The following CECR2 variants were observed in gnomAD, a reference collection of about 807,000 sequenced individuals.
CECR2 encodes the protein chromatin remodeling regulator CECR2.
A neutral mutation model predicts 154.5 loss-of-function variants in CECR2; 30 were observed. That is an observed-to-expected ratio of 0.19 (90% CI 0.15 to 0.26). The LOEUF (loss-of-function observed/expected upper bound fraction) is 0.26. Ranked by LOEUF, CECR2 falls within the 10% of genes least tolerant of loss-of-function variation. The probability of loss-of-function intolerance (pLI) is 1.00; values close to 1 mark genes in which losing one functional copy is unlikely to be tolerated. For synonymous variants in CECR2, 725 were observed against 683.7 expected (o/e 1.06, Z -0.94); for missense variants, 1,743 against 1,829.3 (o/e 0.95, Z 0.86).
Position 17,409,486 on chromosome 22 carries a change from C to T in CECR2, c.126+39577C>T, listed in dbSNP as rs1326599979. On this transcript the variant is annotated intron_variant, in intron 1 of 18. Coordinates refer to ENST00000262608, the MANE Select transcript of CECR2 (RefSeq NM_001290047.2). ...GACCTCGTGATCCGCCTGCCTCGGC[C>T]TCCCAAAGTGCTGGGATTACAGGCA... 2.7e-5 allele frequency among the ~76,000 whole-genome samples: 3 copies of T among 112,348 alleles called. 1 individual carries two copies. The South Asian group carries it at 7.9e-4, about 30-fold the overall frequency. The allele number at this position is 112,348 out of a possible 152,430, so 73.7% of individuals were successfully genotyped here.
At chr22:17,507,127 G>T (rs1288026029) in intron 7 of CECR2, among the ~76,000 whole-genome samples, 3 of 152,118 alleles carry the variant, frequency 2.0e-5, no homozygotes, top group Non-Finnish European at 4.4e-5. Context: ...GTACCTACAG[G>T]GAGGCAAACA....
chr22:17,428,826 G>GTGTGTA (rs369291932), intron 1 of CECR2, among the ~76,000 whole-genome samples: 14 of 150,592 alleles, frequency 9.3e-5, no homozygotes, highest in Non-Finnish European at 1.8e-4. Flanking sequence ...GTGTGTGTGT[G>GTGTGTA]TATATAAAGG....
chr22:17,474,997 C>T (rs935258254), intron 1 of CECR2, among the ~76,000 whole-genome samples: 20 of 152,104 alleles, frequency 1.3e-4, no homozygotes, highest in Admixed American at 5.2e-4. Flanking sequence ...TTAGTACAGA[C>T]TGTAGCACCT....
intron 2 of CECR2, among the ~76,000 whole-genome samples, chr22:17,496,519 G>T (rs1485850227): frequency 6.6e-6 from 1 of 151,052 alleles, no homozygotes; most frequent in Non-Finnish European, 1.5e-5. Context: ...AAGAAAGAAA[G>T]AAAAATCAAA....
rs1408191725 is a variant in CECR2, at chr22:17,369,707, G to C, written c.-77G>C. ...CCGAGGACCGCGCGGAGGCTGCGGC[G>C]CTGCCGCGGCGGGAGTCCCAGGTCG... On this transcript the variant is annotated 5_prime_UTR_variant, in exon 1 of 19. Transcript: ENST00000262608. 1 of 149,128 alleles carries C rather than the reference G, an allele frequency of 6.7e-6. No individual in the cohort carries two copies. Among genetic ancestry groups the C allele is most frequent in the Admixed American group, 6.7e-5 (1 of 14,988 alleles). 9.2% of individuals were successfully genotyped at this position (149,128 alleles called of 1,614,324 possible).
chr22:17,421,606 C>T (rs2054251156), intron 1 of CECR2, among the ~76,000 whole-genome samples: 1 of 88,690 alleles, frequency 1.1e-5, no homozygotes, highest in African/African-American at 5.4e-5. Flanking sequence ...CAGAGCGAGA[C>T]TCCGTCTCAA....
intron 9 of CECR2, among the ~76,000 whole-genome samples, chr22:17,532,700 CTTTTTTTTTTTTTTT>C (rs695634): frequency 1.6e-3 from 56 of 35,792 alleles, no homozygotes; most frequent in Middle Eastern, 0.036. Flanking sequence ...CATTATTATT[CTTTTTTTTTTTTTTT>C]TTTTTTTTTT....
chr22:17,376,863 C>T (rs955948897), intron 1 of CECR2, among the ~76,000 whole-genome samples: 11 of 152,098 alleles, frequency 7.2e-5, no homozygotes, highest in Admixed American at 5.9e-4. Flanking sequence ...GTCTCAAACT[C>T]CTGACCTCGT....
At chr22:17,414,262 G>A (rs182991318) in intron 1 of CECR2, among the ~76,000 whole-genome samples, 41 of 152,316 alleles carry the variant, frequency 2.7e-4, no homozygotes, top group Middle Eastern at 3.4e-3. Flanking sequence ...GTGAGCCACT[G>A]CGCCCGGCGG....
At chr22:17,509,600 T>C (rs568580536) in intron 7 of CECR2, among the ~76,000 whole-genome samples, 1 of 152,230 alleles carries the variant, frequency 6.6e-6, no homozygotes, top group Admixed American at 6.5e-5. Context: ...AGTTAATTTT[T>C]TAATTTTTTG....
At chr22:17,518,204 G>A (rs566708474) in intron 8 of CECR2, among the ~76,000 whole-genome samples, 3 of 152,262 alleles carry the variant, frequency 2.0e-5, no homozygotes, top group South Asian at 2.1e-4. Context: ...TCTGAGGAGC[G>A]TTTACATAAA....
Position 17,369,531 on chromosome 22 carries a change from G to A in CECR2, c.-253G>A, listed in dbSNP as rs2063029032. On this transcript the variant is annotated 5_prime_UTR_variant, in exon 1 of 19. The change abolishes an upstream ATG in the 5' untranslated region. Coordinates refer to ENST00000262608, the MANE Select transcript of CECR2 (RefSeq NM_001290047.2). ...GCGGCCGCCGCCGCAGCCGCGGGATGGGGCGAGCGCGCGGACCCCGCGGGC... is the reference window on the plus strand; with the variant it reads ...GCGGCCGCCGCCGCAGCCGCGGGATAGGGCGAGCGCGCGGACCCCGCGGGC... 6.7e-6 allele frequency: 1 copy of A among 148,766 alleles called. No homozygotes were observed. Among genetic ancestry groups the A allele is most frequent in the East Asian group, 2.0e-4 (1 of 5,030 alleles). 9.2% of individuals were successfully genotyped at this position (148,766 alleles called of 1,614,324 possible).
intron 1 of CECR2, among the ~76,000 whole-genome samples, chr22:17,468,864 T>C (rs2055075311): frequency 1.3e-5 from 2 of 152,280 alleles, no homozygotes; most frequent in South Asian, 4.2e-4. Context: ...AAATTCAGTA[T>C]CAGAGTGCCA....
chr22:17,524,393 T>C (rs2056217291), intron 9 of CECR2, 122 bp downstream of exon 9: 11 of 1,062,030 alleles, frequency 1.0e-5, no homozygotes, highest in African/African-American at 9.7e-5. Context: ...ATTTCTTTTT[T>C]TTTTTTTTTT....
intron 1 of CECR2, among the ~76,000 whole-genome samples, chr22:17,448,840 T>A (rs975136443): frequency 1.3e-5 from 2 of 152,142 alleles, no homozygotes; most frequent in Non-Finnish European, 2.9e-5. Flanking sequence ...CTTCTGTTCT[T>A]CTTTCTCCTT....
At chr22:17,529,949 A>G (rs1253531781) in intron 9 of CECR2, among the ~76,000 whole-genome samples, 1 of 152,194 alleles carries the variant, frequency 6.6e-6, no homozygotes, top group African/African-American at 2.4e-5. Context: ...AAAAATTACA[A>G]CAGTTTATTC....
intron 2 of CECR2, among the ~76,000 whole-genome samples, chr22:17,486,012 C>G (rs901399956): frequency 6.6e-6 from 1 of 152,160 alleles, no homozygotes; most frequent in African/African-American, 2.4e-5. Flanking sequence ...CGAGATCTCA[C>G]TCTTCAGCGC....
Position 17,500,494 on chromosome 22 carries a change from A to C in CECR2, c.546-137A>C, listed in dbSNP as rs574169662. On this transcript the variant is annotated intron_variant, in intron 4 of 18. Transcript: ENST00000262608. ...TCCACAGTCTAATAATGAAGACTGG[A>C]AGTTGCTGTTCCCTTTTCCTTTCAC... The C allele has an allele frequency of 2.8e-3, 1,748 of 614,482 alleles. 13 individuals carry two copies. Among genetic ancestry groups the C allele is most frequent in the Non-Finnish European group, 4.0e-3 (1,436 of 359,726 alleles). The allele number at this position is 614,482 out of a possible 1,614,324, so 38.1% of individuals were successfully genotyped here. A position where few individuals can be genotyped will look rare whatever the true frequency, so the allele number is the denominator to read the frequency against.
chr22:17,510,483 T>C (rs1432368267), intron 7 of CECR2, among the ~76,000 whole-genome samples: 1 of 151,996 alleles, frequency 6.6e-6, no homozygotes, highest in African/African-American at 2.4e-5. Flanking sequence ...AAAAAAGAGC[T>C]TATAGGTATA....
Sources: gnomAD v4.1 joint callset for allele counts (sites outside exome capture counted in the v4.1 genomes callset) on GRCh38, gnomAD v4.1.1 for gene constraint, MANE v1.5 for transcripts, NCBI Gene and HGNC (gene_info 2026-07-23, HGNC 2026-07-21) for gene names.